Variants in KCNK13 observed in about 807,000 individuals in gnomAD.
KCNK13 encodes the protein potassium two pore domain channel subfamily K member 13.
A neutral mutation model predicts 23.4 loss-of-function variants in KCNK13; 12 were observed. That is an observed-to-expected ratio of 0.51 (90% CI 0.33 to 0.83). The LOEUF (loss-of-function observed/expected upper bound fraction) is 0.83, where lower values mean the gene tolerates loss of function less well. KCNK13 is among the 40% of genes least tolerant of loss of function. The pLI is 0.02. For missense variants in KCNK13, 463 were observed against 556.3 expected, an observed-to-expected ratio of 0.83 and a Z score of 1.69; for synonymous variants, 231 against 229.5, an observed-to-expected ratio of 1.01 and a Z score of -0.06.
chr14:90,130,958 T>G lies in KCNK13; in HGVS notation c.335-53153T>G, dbSNP rs182508225. 5.0e-3 allele frequency among the ~76,000 whole-genome samples: 760 copies of G among 152,310 alleles called. 9 individuals carry two copies. Among genetic ancestry groups the G allele is most frequent in the African/African-American group, 0.017 (722 of 41,570 alleles). On this transcript the variant is annotated intron_variant, in intron 1 of 1. Coordinates refer to ENST00000282146, the MANE Select transcript of KCNK13 (RefSeq NM_022054.4). ...GACCCAAGTTTGATTCCAGCTCCTCTAGAGAAGCCCGAGTGTGAGAGAGGG... is the reference window on the plus strand; with the variant it reads ...GACCCAAGTTTGATTCCAGCTCCTCGAGAGAAGCCCGAGTGTGAGAGAGGG...
At chr14:90,099,031 TGCGCCTGCACTCCA>T (rs1427739306) in intron 1 of KCNK13, among the ~76,000 whole-genome samples, 1 of 151,774 alleles carries the variant, frequency 6.6e-6, no homozygotes, top group Non-Finnish European at 1.5e-5. Flanking sequence ...GAGCCGAGAG[TGCGCCTGCACTCCA>T]GCCTGGGTGG....
At chr14:90,127,057 A>T (rs938278136) in intron 1 of KCNK13, among the ~76,000 whole-genome samples, 4 of 152,180 alleles carry the variant, frequency 2.6e-5, no homozygotes, top group Non-Finnish European at 5.9e-5. Flanking sequence ...AAATAAAGGA[A>T]GTCTGAATAA....
At chr14:90,109,409 C>CT (rs557644405) in intron 1 of KCNK13, among the ~76,000 whole-genome samples, 65,973 of 123,276 alleles carry the variant, frequency 0.54, 18,755 homozygotes, top group Non-Finnish European at 0.61. Context: ...CTTTTCTTTC[C>CT]TTTTTTTTTT....
intron 1 of KCNK13, among the ~76,000 whole-genome samples, chr14:90,112,740 A>T (rs1428553549): frequency 6.6e-6 from 1 of 152,122 alleles, no homozygotes; most frequent in Non-Finnish European, 1.5e-5. Context: ...ATCTTGGCAA[A>T]TCTGGATATG....
At chr14:90,141,829 G>A (rs548197411) in intron 1 of KCNK13, among the ~76,000 whole-genome samples, 4 of 141,060 alleles carry the variant, frequency 2.8e-5, no homozygotes, top group East Asian at 2.2e-4. Flanking sequence ...TGTCACCCAG[G>A]TGGAGTGCAG....
chr14:90,087,166 T>TTTTTTA (rs1353467304), intron 1 of KCNK13, among the ~76,000 whole-genome samples: 3 of 142,906 alleles, frequency 2.1e-5, no homozygotes, highest in African/African-American at 7.8e-5. Context: ...TTTTTTTTTT[T>TTTTTTA]ATTGAGATGG....
chr14:90,109,098 A>G (rs1259004288), intron 1 of KCNK13, among the ~76,000 whole-genome samples: 1 of 150,974 alleles, frequency 6.6e-6, no homozygotes, highest in Admixed American at 6.6e-5. Flanking sequence ...CATGGCGTGA[A>G]CCCGGGAGGC....
chr14:90,090,264 T>G (rs375184022), intron 1 of KCNK13, among the ~76,000 whole-genome samples: 1 of 152,240 alleles, frequency 6.6e-6, no homozygotes, highest in African/African-American at 2.4e-5. Flanking sequence ...AACCCACCTC[T>G]TGCATCAGCA....
chr14:90,130,097 T>A (rs1889849428), intron 1 of KCNK13, among the ~76,000 whole-genome samples: 1 of 152,206 alleles, frequency 6.6e-6, no homozygotes, highest in Admixed American at 6.5e-5. Context: ...TCAGAGGAGA[T>A]GTGACTGAAA....
intron 1 of KCNK13, among the ~76,000 whole-genome samples, chr14:90,157,295 A>G (rs1274731833): frequency 1.3e-5 from 2 of 152,226 alleles, no homozygotes; most frequent in African/African-American, 2.4e-5. Context: ...TTCTGGATAA[A>G]AATCTGCTGT....
Position 90,129,099 on chromosome 14 carries a change from C to G in KCNK13, c.335-55012C>G, listed in dbSNP as rs536335392. 2.6e-5 allele frequency among the ~76,000 whole-genome samples: 4 copies of G among 152,310 alleles called. No individual in the cohort carries two copies. In the South Asian group the frequency reaches 6.2e-4, roughly 24 times the overall value. On this transcript the variant is annotated intron_variant, in intron 1 of 1. Coordinates refer to ENST00000282146, the MANE Select transcript of KCNK13 (RefSeq NM_022054.4). ...GACTTTGAGATTACAAAAGAAGCAGCATGCCACATGTGGTCAACTGCAACC... is the reference window on the plus strand; with the variant it reads ...GACTTTGAGATTACAAAAGAAGCAGGATGCCACATGTGGTCAACTGCAACC...
At chr14:90,149,127 C>T (rs1204402105) in intron 1 of KCNK13, among the ~76,000 whole-genome samples, 4 of 152,062 alleles carry the variant, frequency 2.6e-5, no homozygotes, top group South Asian at 2.1e-4. Context: ...GAAGCTGAGG[C>T]GGGGTGGATC....
chr14:90,094,039 A>G lies in KCNK13; in HGVS notation c.334+31500A>G, dbSNP rs77314845. Among the ~76,000 whole-genome samples the G allele has an allele frequency of 1.2e-3, 175 of 152,100 alleles. 1 individual carries two copies. Among genetic ancestry groups the G allele is most frequent in the African/African-American group, 4.0e-3 (166 of 41,474 alleles). On this transcript the variant is annotated intron_variant, in intron 1 of 1. Transcript: ENST00000282146. Reference sequence around the variant, plus strand: ...TCTCTTCTGCTTGAGCTTTCACTCCATGGAGAAGGGTGAGACAGACATCTC... The same window carrying G: ...TCTCTTCTGCTTGAGCTTTCACTCCGTGGAGAAGGGTGAGACAGACATCTC...
intron 1 of KCNK13, among the ~76,000 whole-genome samples, chr14:90,179,368 T>C (rs1373921675): frequency 2.0e-5 from 3 of 152,110 alleles, no homozygotes; most frequent in East Asian, 3.9e-4. Flanking sequence ...AAATACGTAG[T>C]TGACAGCATA....
At chr14:90,153,829 T>C (rs1264625296) in intron 1 of KCNK13, among the ~76,000 whole-genome samples, 1 of 152,232 alleles carries the variant, frequency 6.6e-6, no homozygotes, top group Admixed American at 6.5e-5. Context: ...CACAGCTCTA[T>C]GTCCTGTGTG....
chr14:90,143,556 G>T (rs1261219813), intron 1 of KCNK13, among the ~76,000 whole-genome samples: 1 of 152,022 alleles, frequency 6.6e-6, no homozygotes, highest in Non-Finnish European at 1.5e-5. Flanking sequence ...ACATTATCTA[G>T]ATTATTGCAG....
chr14:90,115,259 G>A (rs1889662703), intron 1 of KCNK13, among the ~76,000 whole-genome samples: 1 of 152,164 alleles, frequency 6.6e-6, no homozygotes, highest in Non-Finnish European at 1.5e-5. Context: ...AATCTCTGAA[G>A]GGTAATTACT....
intron 1 of KCNK13, among the ~76,000 whole-genome samples, chr14:90,109,990 G>A (rs538347051): frequency 2.6e-5 from 4 of 152,238 alleles, no homozygotes; most frequent in Admixed American, 2.6e-4. Context: ...TTATAGGCGT[G>A]AACCACCTCA....
chr14:90,125,786 G>A (rs143242940), intron 1 of KCNK13, among the ~76,000 whole-genome samples: 1 of 152,042 alleles, frequency 6.6e-6, no homozygotes, highest in Non-Finnish European at 1.5e-5. Context: ...ATTTTGGGAG[G>A]CCGAGGCAAG....
Sources: allele counts gnomAD v4.1 joint callset (sites outside exome capture counted in the v4.1 genomes callset), GRCh38; gene constraint gnomAD v4.1.1; transcripts MANE v1.5; gene names NCBI Gene and HGNC (gene_info 2026-07-23, HGNC 2026-07-21).